The following KMT2B variants were observed in gnomAD, a reference collection of about 807,000 sequenced individuals.
KMT2B encodes histone-lysine N-methyltransferase 2B.
Under a neutral mutation model 255.3 loss-of-function variants are expected in KMT2B, and 22 were observed. The ratio of observed to expected loss-of-function variants is 0.09; its 90% CI spans 0.06 to 0.12. The LOEUF (loss-of-function observed/expected upper bound fraction) is 0.12, where lower values mean the gene tolerates loss of function less well. Among genes scored for constraint, KMT2B ranks in the 10% least tolerant of loss-of-function variants. KMT2B has a pLI of 1.00. For missense variants in KMT2B, 3,149 were observed against 3,737.0 expected, an observed-to-expected ratio of 0.84 and a Z score of 4.10; for synonymous variants, 1,730 against 1,498.1, an observed-to-expected ratio of 1.15 and a Z score of -3.57.
rs760893583 is a variant in KMT2B, at chr19:35,721,770, A to C, written c.2423A>C (p.Gln808Pro). 1.9e-6 allele frequency: 3 copies of C among 1,587,460 alleles called. No individual in the cohort carries two copies. Residue 808 changes from glutamine (Q) to proline (P), a missense_variant, in exon 3 of 37, where the codon CAG becomes CCG. Coordinates refer to ENST00000420124, the MANE Select transcript of KMT2B (RefSeq NM_014727.3). ...RAKVQLFKID[Q>P]QQQQKVAASM... ...AAAGTGCAGCTATTCAAGATCGATC[A>C]GCAGCAGCAGCAGAAGGTGGCAGCT...
chr19:35,720,889 C>T lies in KMT2B; in HGVS notation c.1542C>T (p.Ala514=), dbSNP rs1265822848. ...CTCCGGAAGACAGTCCCACCGTGGCCCCCAAAAGCACCACCTTCCTGAAGA... is the reference window on the plus strand; with the variant it reads ...CTCCGGAAGACAGTCCCACCGTGGCTCCCAAAAGCACCACCTTCCTGAAGA... ...GGPPEDSPTV[A]PKSTTFLKNI... is the part of the protein sequence containing the mutation. Residue 514 remains alanine, a synonymous_variant, in exon 3 of 37, where the codon GCC becomes GCT. Coordinates refer to ENST00000420124, the MANE Select transcript of KMT2B (RefSeq NM_014727.3). 6.2e-7 allele frequency: 1 copy of T among 1,601,634 alleles called. No individual in the cohort carries two copies. Among genetic ancestry groups the T allele is most frequent in the Non-Finnish European group, 8.5e-7 (1 of 1,175,032 alleles).
chr19:35,724,125 G>A, intron 8 of KMT2B, 118 bp downstream of exon 8: 2 of 997,360 alleles, frequency 2.0e-6, no homozygotes, highest in Non-Finnish European at 2.9e-6. Flanking sequence ...AGGTGGCTGA[G>A]GGCGGAGGAG....
At position 35,727,252 on chromosome 19, in the gene KMT2B, A is replaced by G; in HGVS notation, c.4100A>G (p.Lys1367Arg). The change falls in exon 15 of 37, where the codon AAG becomes AGG. Residue 1367 changes from lysine to arginine, a missense_variant. By Grantham distance (26) the Lys-to-Arg change is conservative. Transcript: ENST00000420124. This position sits in a 1 kb window ranked among gnomAD's most constrained non-coding sequence, Gnocchi z 4.2. ...CAQCDHWVHA[K>R]CEGLSDEDYE... ...CAGTGCGATCACTGGGTGCATGCCA[A>G]GTGCGAGGGGCTCTCAGGTGAGTCA... 1 of 1,613,298 alleles carries G rather than the reference A, an allele frequency of 6.2e-7. No homozygotes were observed.
At position 35,725,890 on chromosome 19, in the gene KMT2B, C is replaced by A; in HGVS notation, c.3885+72C>A. 2.3e-6 allele frequency: 3 copies of A among 1,277,558 alleles called. No homozygotes were observed. Among genetic ancestry groups the A allele is most frequent in the Non-Finnish European group, 1.1e-6 (1 of 898,942 alleles). 79.1% of individuals were successfully genotyped at this position (1,277,558 alleles called of 1,614,324 possible). A position where few individuals can be genotyped will look rare whatever the true frequency, so the allele number is the denominator to read the frequency against. ...CCACCACCCCCAAACTTGCTCTAGG[C>A]TGGGGCTCTCAGGAGGAGCAGAGGT... is the stretch of plus-strand genomic sequence containing the variant. On this transcript the variant is annotated intron_variant, in intron 13 of 36. Coordinates refer to ENST00000420124, the MANE Select transcript of KMT2B (RefSeq NM_014727.3). This position sits in a 1 kb window ranked among gnomAD's most constrained non-coding sequence, Gnocchi z 4.1.
At chr19:35,730,907 C>T (rs559990694) in intron 26 of KMT2B, 40 bp downstream of exon 26, 2 of 1,535,030 alleles carry the variant, frequency 1.3e-6, no homozygotes, top group Admixed American at 2.1e-5. Context: ...ATACCGCTCT[C>T]CCTAAACAAA....
chr19:35,732,537 C>A lies in KMT2B; in HGVS notation c.5988C>A (p.Ser1996Arg). The A allele has an allele frequency of 6.2e-7, 1 of 1,613,930 alleles. No homozygotes were observed. Among genetic ancestry groups the A allele is most frequent in the Non-Finnish European group, 8.5e-7 (1 of 1,179,890 alleles). The change falls in exon 28 of 37, where the codon AGC (serine) becomes AGA (arginine). Residue 1996 changes from serine to arginine, a missense_variant. This residue lies in a region of KMT2B where 897 missense variants were observed against 825.3 expected (regional missense o/e 1.09). Coordinates refer to ENST00000420124, the MANE Select transcript of KMT2B (RefSeq NM_014727.3). ...CTGCTGACCTGGACTTCGCGGCCAG[C>A]CTGCTGGGGACTGAGCCCTTCCAGG... ...LSAADLDFAA[S>R]LLGTEPFQEE... is the part of the protein sequence containing the mutation.
In KMT2B at chr19:35,725,911, G is replaced by C; in HGVS notation, c.3885+93G>C. ...TAGGCTGGGGCTCTCAGGAGGAGCA[G>C]AGGTTGGGGATCCTCTTAAGAATTG... On this transcript the variant is annotated intron_variant, in intron 13 of 36. Coordinates refer to ENST00000420124, the MANE Select transcript of KMT2B (RefSeq NM_014727.3). The surrounding 1 kb of genome is among the most constrained non-coding windows in gnomAD (Gnocchi z 4.1). The C allele has an allele frequency of 9.8e-7, 1 of 1,017,054 alleles. No individual in the cohort carries two copies. Among genetic ancestry groups the C allele is most frequent in the Non-Finnish European group, 1.5e-6 (1 of 666,928 alleles). 63.0% of individuals were successfully genotyped at this position (1,017,054 alleles called of 1,614,324 possible). A position where few individuals can be genotyped will look rare whatever the true frequency, so the allele number is the denominator to read the frequency against.
chr19:35,721,391 C>T lies in KMT2B; in HGVS notation c.2044C>T (p.Pro682Ser), dbSNP rs767061636. The change falls in exon 3 of 37, where the codon CCT becomes TCT. Residue 682 changes from proline (P) to serine (S), a missense_variant. This residue lies in a region of KMT2B where 1,188 missense variants were observed against 1,106.4 expected (regional missense o/e 1.07). Transcript: ENST00000420124. ...GAPEAPEPEPPPADDSPAEPE... is the reference protein window; with the variant it reads ...GAPEAPEPEPSPADDSPAEPE... ...TCCTGAAGCCCCTGAGCCAGAGCCT[C>T]CTCCTGCCGATGACTCTCCAGCTGA... 4 of 1,607,320 alleles carry T rather than the reference C, an allele frequency of 2.5e-6. No individual in the cohort carries two copies. In the East Asian group the frequency reaches 6.7e-5, roughly 27 times the overall value.
Position 35,723,951 on chromosome 19 carries a change from A to G in KMT2B, c.3278A>G (p.Asp1093Gly), listed in dbSNP as rs1262157821. Residue 1093 changes from aspartate (D) to glycine (G), a missense_variant, in exon 8 of 37, where the codon GAT becomes GGT. Asp to Gly is a moderately conservative substitution (Grantham distance 94). Transcript: ENST00000420124. This position sits in a 1 kb window ranked among gnomAD's most constrained non-coding sequence, Gnocchi z 7.5. ...RPSYDIFEDS[D>G]DSEPGGPPAP... Reference sequence around the variant, plus strand: ...TCCTATGATATCTTCGAGGATTCGGATGACTCGGAGCCCGGGGGCCCCCCT... The same window carrying G: ...TCCTATGATATCTTCGAGGATTCGGGTGACTCGGAGCCCGGGGGCCCCCCT... 1.2e-6 allele frequency: 2 copies of G among 1,611,688 alleles called. No homozygotes were observed. Among genetic ancestry groups the G allele is most frequent in the Admixed American group, 3.3e-5 (2 of 59,966 alleles).
Position 35,732,960 on chromosome 19 carries a change from C to T in KMT2B, c.6411C>T (p.Pro2137=), listed in dbSNP as rs747704539. 1 of 1,604,826 alleles carries T rather than the reference C, an allele frequency of 6.2e-7. No homozygotes were observed. Among genetic ancestry groups the T allele is most frequent in the East Asian group, 2.2e-5 (1 of 44,642 alleles). ...GGAGPREESL[P]PAPPLANGSQ... ...CTGGCCCTAGAGAGGAGTCACTCCCCCCGGCGCCTCCCCTGGCTAATGGCA... is the reference window on the plus strand; with the variant it reads ...CTGGCCCTAGAGAGGAGTCACTCCCTCCGGCGCCTCCCCTGGCTAATGGCA... The change falls in exon 28 of 37, where the codon CCC becomes CCT. Residue 2137 remains proline, a synonymous_variant. Coordinates refer to ENST00000420124, the MANE Select transcript of KMT2B (RefSeq NM_014727.3).
At position 35,723,509 on chromosome 19, in the gene KMT2B, A is replaced by C. The variant is rs938132869; in HGVS notation, c.3058+7A>C. 6.4e-7 allele frequency: 1 copy of C among 1,560,796 alleles called. No individual in the cohort carries two copies. The highest frequency in any genetic ancestry group is 1.4e-5 in the African/African-American group (1 of 73,264). On this transcript the variant is annotated splice_region_variant and intron_variant, in intron 7 of 36. Transcript: ENST00000420124. This position sits in a 1 kb window ranked among gnomAD's most constrained non-coding sequence, Gnocchi z 7.5. ...GAACGACTGGCTAAAAAAGGTGACG[A>C]GCTTTAAGGAGCATTTCTTCTCAAA...
Position 35,736,726 on chromosome 19 carries a change from C to T in KMT2B, c.7196C>T (p.Pro2399Leu). ...ASSSEEEPPSPDDKENQAPKR... is the reference protein window; with the variant it reads ...ASSSEEEPPSLDDKENQAPKR... ...AGCTCTGAGGAAGAGCCTCCATCCC[C>T]AGATGATAAAGAGAACCAGGCCCCA... is the stretch of plus-strand genomic sequence containing the variant. The change falls in exon 31 of 37, where the codon CCA becomes CTA. Residue 2399 changes from proline (P) to leucine (L), a missense_variant. Pro to Leu is a moderately conservative substitution (Grantham distance 98, BLOSUM62 -3). Around this residue, in one of 18 missense-constraint regions of KMT2B, gnomAD observed 897 missense variants for 825.3 expected, o/e 1.09. Transcript: ENST00000420124. 1 of 1,613,944 alleles carries T rather than the reference C, an allele frequency of 6.2e-7. No homozygotes were observed. The highest frequency in any genetic ancestry group is 8.5e-7 in the Non-Finnish European group (1 of 1,179,860).
Position 35,732,814 on chromosome 19 carries a change from G to A in KMT2B, c.6265G>A (p.Gly2089Arg). Residue 2089 changes from glycine to arginine, a missense_variant, in exon 28 of 37, where the codon GGA becomes AGA. Physicochemically the swap from Gly to Arg is moderately radical, Grantham distance 125 (BLOSUM62 -2). Coordinates refer to ENST00000420124, the MANE Select transcript of KMT2B (RefSeq NM_014727.3). ...RGQGTPPSGP[G>R]VVRAGVLGAA... ...CCAGGGCACGCCTCCTTCGGGGCCA[G>A]GAGTAGTCCGGGCAGGGGTCCTTGG... The A allele has an allele frequency of 1.2e-6, 2 of 1,606,396 alleles. No individual in the cohort carries two copies. The highest frequency in any genetic ancestry group is 1.7e-6 in the Non-Finnish European group (2 of 1,177,184).
At position 35,727,180 on chromosome 19, in the gene KMT2B, G is replaced by A. The variant is rs774047474; in HGVS notation, c.4028G>A (p.Arg1343His). 2.0e-5 allele frequency: 33 copies of A among 1,612,872 alleles called. No individual in the cohort carries two copies. The Admixed American group carries it at 3.3e-4, about 16-fold the overall frequency. Residue 1343 changes from arginine (R) to histidine (H), a missense_variant, in exon 15 of 37, where the codon CGC becomes CAC. Around this residue, in one of 18 missense-constraint regions of KMT2B, gnomAD observed 377 missense variants for 471.0 expected, o/e 0.80. Coordinates refer to ENST00000420124, the MANE Select transcript of KMT2B (RefSeq NM_014727.3). This position sits in a 1 kb window ranked among gnomAD's most constrained non-coding sequence, Gnocchi z 4.2. ...EKGNYCPICT[R>H]CYEDNDYESK... is the part of the protein sequence containing the mutation. Reference sequence around the variant, plus strand: ...GGAAACTACTGCCCGATCTGTACACGCTGCTATGAAGACAACGACTATGAG... The same window carrying A: ...GGAAACTACTGCCCGATCTGTACACACTGCTATGAAGACAACGACTATGAG...
Position 35,732,338 on chromosome 19 carries a change from C to T in KMT2B, c.5789C>T (p.Ser1930Phe), listed in dbSNP as rs1316939874. Residue 1930 changes from serine (S) to phenylalanine (F), a missense_variant, in exon 28 of 37, where the codon TCC (serine) becomes TTC (phenylalanine). This residue lies in a region of KMT2B where 897 missense variants were observed against 825.3 expected (regional missense o/e 1.09). Transcript: ENST00000420124. ...AGGCCGCCTCCATCACGGTGGGCCT[C>T]CCCTCCTCTAAAAACCTCCCCTCAG... Reference protein sequence around the residue: ...APRPPPSRWASPPLKTSPQLR... With the variant: ...APRPPPSRWAFPPLKTSPQLR... 3 of 1,611,514 alleles carry T rather than the reference C, an allele frequency of 1.9e-6. No individual in the cohort carries two copies. The South Asian group carries it at 3.3e-5, about 18-fold the overall frequency.
In KMT2B at chr19:35,727,031, A is replaced by G; in HGVS notation, c.4004-125A>G. On this transcript the variant is annotated intron_variant, in intron 14 of 36. Coordinates refer to ENST00000420124, the MANE Select transcript of KMT2B (RefSeq NM_014727.3). This position sits in a 1 kb window ranked among gnomAD's most constrained non-coding sequence, Gnocchi z 4.2. ...CCTCATCCTCAAGGAGCTTTTAGGG[A>G]CTAGTAGGGGCCCAAAACAGGGGCA... 1.9e-6 allele frequency: 1 copy of G among 517,538 alleles called. No individual in the cohort carries two copies. The highest frequency in any genetic ancestry group is 3.6e-5 in the East Asian group (1 of 27,890). The allele number at this position is 517,538 out of a possible 1,614,324, so 32.1% of individuals were successfully genotyped here.
chr19:35,730,071 C>T lies in KMT2B; in HGVS notation c.5022C>T (p.Phe1674=). ...FMCARASYCI[F]QDDKKVFCQK... ...GTGCCCGGGCCAGCTACTGCATCTT[C>T]CAGGATGACAAGAAAGTCTTCTGCC... The change falls in exon 23 of 37, where the codon TTC becomes TTT. Residue 1674 remains phenylalanine (F), a synonymous_variant. Coordinates refer to ENST00000420124, the MANE Select transcript of KMT2B (RefSeq NM_014727.3). 1 of 1,613,674 alleles carries T rather than the reference C, an allele frequency of 6.2e-7. No homozygotes were observed. The highest frequency in any genetic ancestry group is 8.5e-7 in the Non-Finnish European group (1 of 1,179,738).
At chr19:35,729,460 T>C (rs940358253) in intron 22 of KMT2B, among the ~76,000 whole-genome samples, 164 bp downstream of exon 22, 1 of 152,196 alleles carries the variant, frequency 6.6e-6, no homozygotes, top group Non-Finnish European at 1.5e-5. Context: ...AGCTTTTTCC[T>C]ATGTGGGCCC....
rs756336676 is a variant in KMT2B, at chr19:35,730,330, C to T, written c.5077-12C>T. On this transcript the variant is annotated splice_polypyrimidine_tract_variant and intron_variant, in intron 23 of 36. Transcript: ENST00000420124. ...CAATGCAGCCACCTCACTTTGCCAC[C>T]CCCTCTTCCAGGAAATTGTGAACCC... is the stretch of plus-strand genomic sequence containing the variant. 1.2e-6 allele frequency: 2 copies of T among 1,609,666 alleles called. No individual in the cohort carries two copies. The highest frequency in any genetic ancestry group is 1.7e-5 in the Admixed American group (1 of 59,984).
Sources: gnomAD v4.1 joint callset for allele counts (sites outside exome capture counted in the v4.1 genomes callset) on GRCh38, gnomAD v4.1.1 for gene constraint, gnomAD v4.1.1 regional missense constraint, Gnocchi (gnomAD v3.1) non-coding constraint, MANE v1.5 for transcripts, NCBI Gene and HGNC (gene_info 2026-07-23, HGNC 2026-07-21) for gene names.